JPH3: variants seen among roughly 807,000 people sequenced by gnomAD.
JPH3 encodes the protein junctophilin 3.
JPH3 carries 11 observed loss-of-function variants against 59.6 expected under a neutral mutation model. The ratio of observed to expected loss-of-function variants is 0.18; its 90% CI spans 0.12 to 0.31. The LOEUF (loss-of-function observed/expected upper bound fraction) is 0.31. Ranked by LOEUF, JPH3 falls within the 10% of genes least tolerant of loss-of-function variation. The pLI is 1.00. For missense variants in JPH3, 1,202 were observed against 1,105.7 expected (o/e 1.09, Z -1.24); for synonymous variants, 673 against 483.6 (o/e 1.39, Z -5.14).
intron 2 of JPH3, among the ~76,000 whole-genome samples, chr16:87,655,960 C>T (rs568006463): frequency 1.3e-5 from 2 of 152,356 alleles, no homozygotes; most frequent in Admixed American, 6.5e-5. Context: ...CTGGTCTCTG[C>T]ATAGATGTCC....
At chr16:87,689,624 G>A (rs777830079) in intron 3 of JPH3, 22 bp from the exon 4 acceptor site, 6 of 1,607,820 alleles carry the variant, frequency 3.7e-6, no homozygotes, top group African/African-American at 2.7e-5. Flanking sequence ...GCCGTCTGGC[G>A]TCGTCTTGTG....
intron 2 of JPH3, among the ~76,000 whole-genome samples, chr16:87,667,131 A>C (rs1258975716): frequency 6.6e-6 from 1 of 152,146 alleles, no homozygotes; most frequent in Non-Finnish European, 1.5e-5. Flanking sequence ...TGGAGTGGCC[A>C]CGTCACTTGT....
chr16:87,680,623 C>G (rs1169093369), intron 2 of JPH3, among the ~76,000 whole-genome samples: 1 of 151,964 alleles, frequency 6.6e-6, no homozygotes, highest in Non-Finnish European at 1.5e-5. Flanking sequence ...CAGGTGAGCT[C>G]AGATGCCCTC....
intron 4 of JPH3, among the ~76,000 whole-genome samples, chr16:87,693,311 C>T (rs1009436956): frequency 6.6e-6 from 1 of 152,228 alleles, no homozygotes. Flanking sequence ...TGAGCTGCAT[C>T]CCAAGGACAG....
chr16:87,626,083 C>T (rs919415712), intron 1 of JPH3, among the ~76,000 whole-genome samples: 1 of 152,152 alleles, frequency 6.6e-6, no homozygotes, highest in Non-Finnish European at 1.5e-5. Flanking sequence ...GGGTGTTTAC[C>T]CTCCAACAGG....
At chr16:87,690,834 A>C (rs573838345) in intron 4 of JPH3, among the ~76,000 whole-genome samples, 1 of 152,236 alleles carries the variant, frequency 6.6e-6, no homozygotes, top group Non-Finnish European at 1.5e-5. Flanking sequence ...GCTCAACCCC[A>C]GCTGCTCCAA....
At chr16:87,610,196 C>T (rs12446630) in intron 1 of JPH3, among the ~76,000 whole-genome samples, 28,000 of 152,186 alleles carry the variant, frequency 0.18, 3,085 homozygotes, top group East Asian at 0.29. Context: ...GCTGTAAATA[C>T]AGACGAAGCT....
intron 2 of JPH3, among the ~76,000 whole-genome samples, chr16:87,653,069 C>A (rs1077699): frequency 2.0e-5 from 3 of 151,742 alleles, no homozygotes; most frequent in African/African-American, 4.9e-5. Flanking sequence ...TCAGTGCCTG[C>A]GGGGGGGACT....
intron 2 of JPH3, among the ~76,000 whole-genome samples, chr16:87,669,415 G>T (rs2032957746): frequency 6.6e-6 from 1 of 152,210 alleles, no homozygotes; most frequent in African/African-American, 2.4e-5. Context: ...TCACAGGAGG[G>T]AAGAGCAGGT....
intron 1 of JPH3, among the ~76,000 whole-genome samples, chr16:87,643,603 C>G (rs747959433): frequency 7.9e-5 from 12 of 152,202 alleles, no homozygotes; most frequent in Non-Finnish European, 1.5e-4. Context: ...CATTAGCCTC[C>G]TAACCCAGGA....
chr16:87,676,035 G>T (rs2033134173), intron 2 of JPH3, among the ~76,000 whole-genome samples: 1 of 152,268 alleles, frequency 6.6e-6, no homozygotes, highest in South Asian at 2.1e-4. Context: ...TGGGGTTTCT[G>T]TCGCAGGCGA....
At chr16:87,618,163 C>CA (rs1368572048) in intron 1 of JPH3, among the ~76,000 whole-genome samples, 1 of 151,312 alleles carries the variant, frequency 6.6e-6, no homozygotes, top group East Asian at 1.9e-4. Context: ...GACGCTGTCT[C>CA]AAAAAAATAA....
intron 2 of JPH3, among the ~76,000 whole-genome samples, chr16:87,658,787 C>T (rs1330723494): frequency 2.6e-5 from 4 of 152,250 alleles, no homozygotes; most frequent in African/African-American, 9.6e-5. Flanking sequence ...CTGGGGCCTG[C>T]TGAGAGGGAC....
intron 2 of JPH3, among the ~76,000 whole-genome samples, chr16:87,673,906 A>G (rs1454887916): frequency 6.6e-6 from 1 of 152,020 alleles, no homozygotes; most frequent in African/African-American, 2.4e-5. Flanking sequence ...AGTCTGGGTG[A>G]CACAGCGAGA....
At position 87,665,069 on chromosome 16, in the gene JPH3, G is replaced by A. The variant is rs144313408; in HGVS notation, c.1161-19073G>A. Among the ~76,000 whole-genome samples, 4 of 152,346 alleles carry A rather than the reference G, an allele frequency of 2.6e-5. No homozygotes were observed. The East Asian group carries it at 5.8e-4, about 22-fold the overall frequency. On this transcript the variant is annotated intron_variant, in intron 2 of 4. Coordinates refer to ENST00000284262, the MANE Select transcript of JPH3 (RefSeq NM_020655.4). Reference sequence around the variant, plus strand: ...TTGAACGGATAAACAGGAACCATCCGGCCCTCTTCCTTGCCGGAGCTCATC... The same window carrying A: ...TTGAACGGATAAACAGGAACCATCCAGCCCTCTTCCTTGCCGGAGCTCATC...
At chr16:87,677,185 T>TATACACACACACACACACACACACAC (rs1491266129) in intron 2 of JPH3, among the ~76,000 whole-genome samples, 9 of 95,194 alleles carry the variant, frequency 9.5e-5, no homozygotes, top group African/African-American at 1.4e-4. Flanking sequence ...TATATATATA[T>TATACACACACACACACACACACACAC]ACACACACAC....
intron 2 of JPH3, among the ~76,000 whole-genome samples, chr16:87,665,819 C>A (rs1160215251): frequency 6.6e-6 from 1 of 152,238 alleles, no homozygotes. Context: ...GGGCAAAGAC[C>A]TTTGCTTCCC....
At chr16:87,618,243 A>G (rs1277039667) in intron 1 of JPH3, among the ~76,000 whole-genome samples, 1 of 152,164 alleles carries the variant, frequency 6.6e-6, no homozygotes, top group African/African-American at 2.4e-5. Context: ...GTGGGAGGGG[A>G]GAAATGCACA....
At chr16:87,649,427 T>A (rs1322769352) in intron 2 of JPH3, among the ~76,000 whole-genome samples, 2 of 152,208 alleles carry the variant, frequency 1.3e-5, no homozygotes, top group African/African-American at 4.8e-5. Context: ...CGGGTGGACA[T>A]AGGAATTCAT....
Sources: gnomAD v4.1 joint callset for allele counts (sites outside exome capture counted in the v4.1 genomes callset) on GRCh38, gnomAD v4.1.1 for gene constraint, MANE v1.5 for transcripts, NCBI Gene and HGNC (gene_info 2026-07-23, HGNC 2026-07-21) for gene names.